The following WWOX variants were observed in gnomAD, a reference collection of about 807,000 sequenced individuals.
The protein encoded by WWOX is WW domain-containing oxidoreductase.
In WWOX, 69 loss-of-function variants were observed where a neutral mutation model predicts 46.2. That is an observed-to-expected ratio of 1.49 (90% CI 1.23 to 1.82). WWOX has a LOEUF of 1.82. Ranked by LOEUF, WWOX falls within the 40% of genes most tolerant of loss-of-function variation. The pLI, the probability that WWOX is intolerant of heterozygous loss-of-function variation, is 0.00. For missense variants in WWOX, 919 were observed against 542.6 expected (o/e 1.69, Z -6.89); for synonymous variants, 359 against 202.6 (o/e 1.77, Z -6.56).
chr16:78,997,087 GC>G (rs779789199), intron 8 of WWOX, among the ~76,000 whole-genome samples: 7 of 152,040 alleles, frequency 4.6e-5, no homozygotes, highest in Non-Finnish European at 1.0e-4. Context: ...CATACCATCT[GC>G]TTTTCCAATC....
chr16:78,708,697 C>A (rs541580651), intron 8 of WWOX, among the ~76,000 whole-genome samples: 1 of 152,100 alleles, frequency 6.6e-6, no homozygotes, highest in Admixed American at 6.6e-5. Flanking sequence ...GGCTTTGCCT[C>A]CAAGTGCGTT....
chr16:78,725,509 G>T (rs975949113), intron 8 of WWOX, among the ~76,000 whole-genome samples: 1 of 150,520 alleles, frequency 6.6e-6, no homozygotes, highest in Non-Finnish European at 1.5e-5. Context: ...CACCATGCAC[G>T]GCTAATTTTG....
At chr16:78,355,621 A>G in intron 5 of WWOX, 1 of 583,756 alleles carries the variant, frequency 1.7e-6, no homozygotes, top group Admixed American at 2.0e-5. Flanking sequence ...TTTGTGTGAA[A>G]ATGAGAAACG....
chr16:78,383,497 G>A (rs775527934), intron 5 of WWOX, among the ~76,000 whole-genome samples: 14 of 152,094 alleles, frequency 9.2e-5, no homozygotes, highest in Non-Finnish European at 8.8e-5. Context: ...TTGGCAGATC[G>A]AGTCTCTTGT....
chr16:78,550,291 G>A (rs2044143294), intron 8 of WWOX, among the ~76,000 whole-genome samples: 2 of 152,160 alleles, frequency 1.3e-5, no homozygotes, highest in Non-Finnish European at 2.9e-5. Context: ...TGCAAACTTT[G>A]CAAAGGTTCA....
chr16:78,449,809 G>GT (rs1884596194), intron 8 of WWOX, among the ~76,000 whole-genome samples: 1 of 152,064 alleles, frequency 6.6e-6, no homozygotes, highest in Non-Finnish European at 1.5e-5. Context: ...AGGGGCCCTT[G>GT]TTAATCGATG....
At chr16:78,957,876 G>T (rs1181675413) in intron 8 of WWOX, among the ~76,000 whole-genome samples, 2 of 152,128 alleles carry the variant, frequency 1.3e-5, no homozygotes, top group Non-Finnish European at 2.9e-5. Context: ...GGCTGGGCGT[G>T]GGGGGACACA....
chr16:79,102,530 C>A (rs1257997606), intron 8 of WWOX, among the ~76,000 whole-genome samples: 1 of 152,166 alleles, frequency 6.6e-6, no homozygotes, highest in Non-Finnish European at 1.5e-5. Context: ...TTAAAAGTTG[C>A]TGAAACCCTT....
At chr16:78,831,078 G>C (rs1304834399) in intron 8 of WWOX, among the ~76,000 whole-genome samples, 4 of 152,150 alleles carry the variant, frequency 2.6e-5, no homozygotes, top group Non-Finnish European at 5.9e-5. Flanking sequence ...GAGAAGAAGG[G>C]ACTGCGTTCC....
intron 8 of WWOX, among the ~76,000 whole-genome samples, chr16:78,802,775 G>A (rs1325635327): frequency 1.3e-5 from 2 of 151,566 alleles, no homozygotes; most frequent in Admixed American, 6.6e-5. Flanking sequence ...AGTTAGCCAG[G>A]TGTGGTGGTG....
intron 8 of WWOX, among the ~76,000 whole-genome samples, chr16:78,702,527 T>A (rs1233190377): frequency 6.6e-6 from 1 of 151,836 alleles, no homozygotes; most frequent in Non-Finnish European, 1.5e-5. Context: ...GGCTCATGTC[T>A]GTAATCCCAA....
chr16:78,327,234 TG>T (rs2080644584), intron 5 of WWOX, among the ~76,000 whole-genome samples: 1 of 152,134 alleles, frequency 6.6e-6, no homozygotes, highest in East Asian at 1.9e-4. Context: ...TAAATGGATG[TG>T]TCATATCGGG....
intron 8 of WWOX, among the ~76,000 whole-genome samples, chr16:78,958,309 T>C (rs1045983864): frequency 6.6e-6 from 1 of 152,196 alleles, no homozygotes; most frequent in Non-Finnish European, 1.5e-5. Flanking sequence ...TAACATTTAC[T>C]CTATTACTGA....
At chr16:78,908,772 C>G (rs2045033587) in intron 8 of WWOX, among the ~76,000 whole-genome samples, 1 of 152,054 alleles carries the variant, frequency 6.6e-6, no homozygotes, top group Non-Finnish European at 1.5e-5. Context: ...GCCACAAGAC[C>G]ATATGAGTCA....
intron 8 of WWOX, among the ~76,000 whole-genome samples, chr16:78,767,418 C>T (rs1224233256): frequency 6.6e-6 from 1 of 151,910 alleles, no homozygotes; most frequent in African/African-American, 2.4e-5. Flanking sequence ...GACTGCGCCA[C>T]CACACCTGCC....
At chr16:78,738,906 G>A (rs1187387741) in intron 8 of WWOX, among the ~76,000 whole-genome samples, 3 of 152,140 alleles carry the variant, frequency 2.0e-5, no homozygotes, top group East Asian at 3.9e-4. Flanking sequence ...TTAGAGTAGT[G>A]CTGATCATTT....
intron 8 of WWOX, among the ~76,000 whole-genome samples, chr16:78,685,513 A>G (rs905287938): frequency 4.6e-5 from 7 of 152,234 alleles, no homozygotes; most frequent in African/African-American, 1.2e-4. Context: ...CCTGGGGACT[A>G]TGTATCCTAA....
chr16:78,178,238 C>G (rs936758181), intron 5 of WWOX, among the ~76,000 whole-genome samples: 1 of 152,194 alleles, frequency 6.6e-6, no homozygotes, highest in African/African-American at 2.4e-5. Context: ...CACTGGTCCC[C>G]CGTCCCAGCA....
intron 8 of WWOX, among the ~76,000 whole-genome samples, chr16:78,708,258 T>A (rs866360802): frequency 1.1e-4 from 16 of 152,332 alleles, no homozygotes; most frequent in South Asian, 1.0e-3. Flanking sequence ...ACATATTTTT[T>A]AAAAATGTAT....
Sources: allele counts gnomAD v4.1 joint callset (sites outside exome capture counted in the v4.1 genomes callset), GRCh38; gene constraint gnomAD v4.1.1; transcripts MANE v1.5; gene names NCBI Gene and HGNC (gene_info 2026-07-23, HGNC 2026-07-21).